The following PUS10 variants were observed in gnomAD, a reference collection of about 807,000 sequenced individuals.
PUS10 encodes the protein pseudouridine synthase 10, also known as tRNA pseudouridine synthase Pus10.
PUS10 carries 59 observed loss-of-function variants against 75.0 expected under a neutral mutation model. The ratio of observed to expected loss-of-function variants is 0.79; its 90% CI spans 0.64 to 0.98. The LOEUF is 0.98. Among genes scored for constraint, PUS10 ranks in the 50% least tolerant of loss-of-function variants. The probability of loss-of-function intolerance (pLI) is 0.00; values close to 1 mark genes in which losing one functional copy is unlikely to be tolerated. For missense variants in PUS10, 650 were observed against 614.4 expected, an observed-to-expected ratio of 1.06 and a Z score of -0.61; for synonymous variants, 219 against 211.6, an observed-to-expected ratio of 1.03 and a Z score of -0.30.
At chr2:60,982,334 C>G (rs1677447604) in intron 4 of PUS10, among the ~76,000 whole-genome samples, 1 of 152,164 alleles carries the variant, frequency 6.6e-6, no homozygotes, top group South Asian at 2.1e-4. Flanking sequence ...ACGATCTTGG[C>G]TTACTGAAAC....
At position 60,953,968 on chromosome 2, in the gene PUS10, G is replaced by C; in HGVS notation, c.1155C>G (p.Asn385Lys). The C allele has an allele frequency of 6.2e-7, 1 of 1,613,882 alleles. No homozygotes were observed. The highest frequency in any genetic ancestry group is 8.5e-7 in the Non-Finnish European group (1 of 1,179,776). ...GCTGCAAGTCACGTACTTGGATTTT[G>C]TTAGATGAGTTATTAATTTTCTGTA... ...ELQQKINNSS[N>K]KIQVRDLQLV... is the part of the protein sequence containing the mutation. Residue 385 changes from asparagine (N) to lysine (K), a missense_variant, in exon 14 of 18, where the codon AAC becomes AAG. By Grantham distance (94) the Asn-to-Lys change is moderately conservative. Coordinates refer to ENST00000316752, the MANE Select transcript of PUS10 (RefSeq NM_144709.4).
chr2:60,997,113 C>A (rs1678519280), intron 4 of PUS10, among the ~76,000 whole-genome samples: 2 of 152,126 alleles, frequency 1.3e-5, no homozygotes. Flanking sequence ...GAAGCAAGTT[C>A]TTGGAGTTAC....
At chr2:60,968,727 C>A (rs1019376426) in intron 5 of PUS10, among the ~76,000 whole-genome samples, 2 of 152,052 alleles carry the variant, frequency 1.3e-5, no homozygotes, top group African/African-American at 4.8e-5. Flanking sequence ...CATTCTGTAT[C>A]CAGCTGAGAA....
intron 9 of PUS10, among the ~76,000 whole-genome samples, 195 bp from the exon 10 acceptor site, chr2:60,961,743 G>T (rs1008388034): frequency 1.3e-5 from 2 of 152,166 alleles, no homozygotes; most frequent in African/African-American, 4.8e-5. Flanking sequence ...GTAAATAAGG[G>T]CTCTGCTGCT....
intron 2 of PUS10, chr2:61,010,169 A>G (rs924632521): frequency 1.3e-5 from 2 of 152,322 alleles, no homozygotes; most frequent in African/African-American, 2.4e-5. Context: ...CTAATAACAT[A>G]TAATAGATAA....
intron 4 of PUS10, among the ~76,000 whole-genome samples, chr2:60,988,208 T>G (rs1320586021): frequency 6.6e-6 from 1 of 152,214 alleles, no homozygotes; most frequent in Non-Finnish European, 1.5e-5. Flanking sequence ...GTAATGAATT[T>G]TTTCTACATT....
Position 60,948,070 on chromosome 2 carries a change from C to A in PUS10, c.1424G>T (p.Arg475Leu). ...GCCAGCCTGAGTTTTCAAGTGGAGGCGGAAGTGGTGCTCATCCACGTACTG... is the reference window on the plus strand; with the variant it reads ...GCCAGCCTGAGTTTTCAAGTGGAGGAGGAAGTGGTGCTCATCCACGTACTG... ...ETQYVDEHHF[R>L]LHLKTQAGTY... The change falls in exon 16 of 18, where the codon CGC becomes CTC. Residue 475 changes from arginine to leucine, a missense_variant. Physicochemically the swap from Arg to Leu is moderately radical, Grantham distance 102. Coordinates refer to ENST00000316752, the MANE Select transcript of PUS10 (RefSeq NM_144709.4). 6.2e-7 allele frequency: 1 copy of A among 1,614,058 alleles called. No individual in the cohort carries two copies. The highest frequency in any genetic ancestry group is 8.5e-7 in the Non-Finnish European group (1 of 1,180,008).
chr2:60,959,545 T>C lies in PUS10; in HGVS notation c.1000+847A>G, dbSNP rs904197256. 3.3e-5 allele frequency among the ~76,000 whole-genome samples: 5 copies of C among 152,164 alleles called. 1 individual carries two copies. Among genetic ancestry groups the C allele is most frequent in the Non-Finnish European group, 4.4e-5 (3 of 67,970 alleles). On this transcript the variant is annotated intron_variant, in intron 11 of 17. Coordinates refer to ENST00000316752, the MANE Select transcript of PUS10 (RefSeq NM_144709.4). ...CTGGGACTATTGGTGCGCACCACCA[T>C]GCCCAGCTGATTTTTGTATTTTTAG...
chr2:61,007,034 A>T (rs1443348073), intron 3 of PUS10, among the ~76,000 whole-genome samples: 2 of 152,218 alleles, frequency 1.3e-5, no homozygotes, highest in African/African-American at 4.8e-5. Flanking sequence ...TTTTCAGGAC[A>T]ATAATAAGGA....
intron 4 of PUS10, among the ~76,000 whole-genome samples, chr2:60,989,449 A>C (rs1008724343): frequency 6.6e-6 from 1 of 152,182 alleles, no homozygotes; most frequent in Non-Finnish European, 1.5e-5. Context: ...AAAGATGATG[A>C]CATACACACA....
intron 2 of PUS10, chr2:61,010,552 C>G: frequency 2.9e-6 from 1 of 348,902 alleles, no homozygotes; most frequent in Non-Finnish European, 5.4e-6. Context: ...GTCTTGAACC[C>G]CTGACCTCGT....
chr2:60,983,417 G>A (rs1013777186), intron 4 of PUS10, among the ~76,000 whole-genome samples: 1 of 152,072 alleles, frequency 6.6e-6, no homozygotes, highest in African/African-American at 2.4e-5. Flanking sequence ...GGTGGCTCAC[G>A]CCTGTAATCC....
At chr2:60,974,220 T>TTC (rs1362970899) in intron 4 of PUS10, among the ~76,000 whole-genome samples, 4 of 148,546 alleles carry the variant, frequency 2.7e-5, no homozygotes, top group African/African-American at 7.5e-5. Context: ...CCTTTTTTTT[T>TTC]TTTTTTTTTT....
At chr2:60,991,955 G>C (rs1181801560) in intron 4 of PUS10, among the ~76,000 whole-genome samples, 1 of 151,814 alleles carries the variant, frequency 6.6e-6, no homozygotes, top group Non-Finnish European at 1.5e-5. Flanking sequence ...TGAAATATCA[G>C]TTGCTGCATG....
At chr2:60,953,887 AC>A in intron 14 of PUS10, 45 bp downstream of exon 14, 1 of 1,501,872 alleles carries the variant, frequency 6.7e-7, no homozygotes, top group South Asian at 1.1e-5. Context: ...GTGACCTGCA[AC>A]TAAAACGTCC....
chr2:60,946,885 C>CATT (rs1263913658), intron 16 of PUS10, among the ~76,000 whole-genome samples: 1 of 151,944 alleles, frequency 6.6e-6, no homozygotes, highest in Non-Finnish European at 1.5e-5. Context: ...TACAATAGTA[C>CATT]ATTAGTTCTA....
intron 15 of PUS10, among the ~76,000 whole-genome samples, chr2:60,952,323 A>G (rs1475530355): frequency 2.0e-4 from 29 of 146,134 alleles, no homozygotes; most frequent in Non-Finnish European, 2.9e-4. Flanking sequence ...GACAAGAGCA[A>G]GACTCTGTCT....
chr2:60,974,888 G>C (rs1676938239), intron 4 of PUS10, among the ~76,000 whole-genome samples: 1 of 152,214 alleles, frequency 6.6e-6, no homozygotes, highest in African/African-American at 2.4e-5. Context: ...AGGCCGAGTG[G>C]ACAGAACGAG....
chr2:61,005,543 A>G (rs912383190), intron 4 of PUS10, among the ~76,000 whole-genome samples: 1 of 152,216 alleles, frequency 6.6e-6, no homozygotes, highest in Admixed American at 6.5e-5. Flanking sequence ...AACTTTCACT[A>G]AAGTGACAGT....
Sources: allele counts gnomAD v4.1 joint callset (sites outside exome capture counted in the v4.1 genomes callset), GRCh38; gene constraint gnomAD v4.1.1; transcripts MANE v1.5; gene names NCBI Gene and HGNC (gene_info 2026-07-23, HGNC 2026-07-21).